PRRC2A: variants seen among roughly 807,000 people sequenced by gnomAD.
PRRC2A encodes the protein protein PRRC2A.
PRRC2A carries 59 observed loss-of-function variants against 224.6 expected under a neutral mutation model. The ratio of observed to expected loss-of-function variants is 0.26; its 90% CI spans 0.21 to 0.33. The LOEUF (loss-of-function observed/expected upper bound fraction) is 0.33. Among genes scored for constraint, PRRC2A ranks in the 10% least tolerant of loss-of-function variants. PRRC2A has a pLI of 1.00. For missense variants in PRRC2A, 3,095 were observed against 2,880.7 expected (o/e 1.07, Z -1.70); for synonymous variants, 1,194 against 1,109.5 (o/e 1.08, Z -1.51).
intron 1 of PRRC2A, among the ~76,000 whole-genome samples, chr6:31,621,972 C>T (rs898608861): frequency 1.3e-5 from 2 of 152,190 alleles, no homozygotes; most frequent in African/African-American, 4.8e-5. Context: ...AATGCTTTTT[C>T]TCAGTTCTTC....
At position 31,631,910 on chromosome 6, in the gene PRRC2A, C is replaced by A. The variant is rs757421292; in HGVS notation, c.3237C>A (p.Pro1079=). Residue 1079 remains proline (P), a synonymous_variant, in exon 16 of 31, where the codon CCC becomes CCA. Transcript: ENST00000376033. The surrounding 1 kb of genome is among the most constrained non-coding windows in gnomAD (Gnocchi z 4.5). ...GGGGACCAAACCACCCTCCTGCTCC[C>A]CGAGGCCGCACTGCCAGCGAGACAC... ...GTGGPNHPPA[P]RGRTASETRS... 4.3e-6 allele frequency: 7 copies of A among 1,612,446 alleles called. No individual in the cohort carries two copies. The South Asian group carries it at 7.7e-5, about 18-fold the overall frequency.
In PRRC2A at chr6:31,633,563, G is replaced by T. The variant is rs1396921749; in HGVS notation, c.4504G>T (p.Gly1502Trp). ...AGGGGGTCATCCAAGGCACAAGCCTGGGCTTCCCCAAGCCCCTCAGGGCCC... is the reference window on the plus strand; with the variant it reads ...AGGGGGTCATCCAAGGCACAAGCCTTGGCTTCCCCAAGCCCCTCAGGGCCC... ...APGGHPRHKP[G>W]LPQAPQGPSP... The change falls in exon 17 of 31, where the codon GGG (glycine) becomes TGG (tryptophan). Residue 1502 changes from glycine to tryptophan, a missense_variant. Gly to Trp is a radical substitution (Grantham distance 184). Coordinates refer to ENST00000376033, the MANE Select transcript of PRRC2A (RefSeq NM_004638.4). The T allele has an allele frequency of 3.1e-6, 5 of 1,612,928 alleles. No individual in the cohort carries two copies. The highest frequency in any genetic ancestry group is 4.2e-6 in the Non-Finnish European group (5 of 1,179,974).
chr6:31,635,305 T>C, intron 22 of PRRC2A, 33 bp downstream of exon 22: 1 of 1,613,660 alleles, frequency 6.2e-7, no homozygotes, highest in Non-Finnish European at 8.5e-7. Flanking sequence ...TATCCTGAGT[T>C]GGGTGGAGAG....
chr6:31,627,124 C>T lies in PRRC2A; in HGVS notation c.1216C>T (p.Pro406Ser). The T allele has an allele frequency of 6.2e-7, 1 of 1,614,016 alleles. No homozygotes were observed. The highest frequency in any genetic ancestry group is 8.5e-7 in the Non-Finnish European group (1 of 1,179,988). The change falls in exon 11 of 31, where the codon CCT (proline) becomes TCT (serine). Residue 406 changes from proline to serine, a missense_variant. Around this residue, in one of 8 missense-constraint regions of PRRC2A, gnomAD observed 2,001 missense variants for 1,764.9 expected, o/e 1.13. Transcript: ENST00000376033. This position sits in a 1 kb window ranked among gnomAD's most constrained non-coding sequence, Gnocchi z 5.6. ...GCCTCCAGAGACAGAGCCGGGACCT[C>T]CTGCCCCAAAGCCTCCCCTACCCCC... ...SRPPETEPGP[P>S]APKPPLPPPH...
At position 31,636,768 on chromosome 6, in the gene PRRC2A, G is replaced by A; in HGVS notation, c.5970G>A (p.Val1990=). Residue 1990 remains valine (V), a synonymous_variant, in exon 28 of 31, where the codon GTG becomes GTA. Coordinates refer to ENST00000376033, the MANE Select transcript of PRRC2A (RefSeq NM_004638.4). The surrounding 1 kb of genome is among the most constrained non-coding windows in gnomAD (Gnocchi z 4.3). The part of the protein sequence containing the change: ...LLPMVDSQLP[V]VNFGSLPPAP... ...CCATGGTAGACTCACAGCTGCCTGT[G>A]GTGAACTTTGGCTCCCTGCCGCCAG... The A allele has an allele frequency of 6.2e-7, 1 of 1,607,024 alleles. No individual in the cohort carries two copies. The highest frequency in any genetic ancestry group is 8.5e-7 in the Non-Finnish European group (1 of 1,180,000).
At position 31,625,198 on chromosome 6, in the gene PRRC2A, G is replaced by C. The variant is rs374398273; in HGVS notation, c.491G>C (p.Arg164Pro). ...GGAAGGGCATCAAGCCTACTGTCAC[G>C]ATTCTCTCGAGAGGAATTTCCGACC... ...DGGRASSLLS[R>P]FSREEFPTLQ... The change falls in exon 6 of 31, where the codon CGA (arginine) becomes CCA (proline). Residue 164 changes from arginine (R) to proline (P), a missense_variant. Arg to Pro is a moderately radical substitution (Grantham distance 103). This residue lies in a region of PRRC2A where 287 missense variants were observed against 275.3 expected (regional missense o/e 1.04). Coordinates refer to ENST00000376033, the MANE Select transcript of PRRC2A (RefSeq NM_004638.4). The surrounding 1 kb of genome is among the most constrained non-coding windows in gnomAD (Gnocchi z 4.1). The C allele has an allele frequency of 1.9e-6, 3 of 1,613,016 alleles. No individual in the cohort carries two copies. The South Asian group carries it at 3.3e-5, about 18-fold the overall frequency.
chr6:31,626,385 C>T (rs1276687284), intron 9 of PRRC2A, among the ~76,000 whole-genome samples: 1 of 151,328 alleles, frequency 6.6e-6, no homozygotes, highest in Non-Finnish European at 1.5e-5. Flanking sequence ...AGACCCCCCA[C>T]CTCTACAAAA....
rs1163305956 is a variant in PRRC2A at position 31,636,113 on chromosome 6, G to A, written c.5624+64G>A. 13 of 1,568,250 alleles carry A rather than the reference G, an allele frequency of 8.3e-6. No individual in the cohort carries two copies. ...GATGTGTTTCGGGGAGAGGGAAGGG[G>A]AAGACACAGTTCTAGGGTACTAGAA... On this transcript the variant is annotated intron_variant, in intron 25 of 30. Coordinates refer to ENST00000376033, the MANE Select transcript of PRRC2A (RefSeq NM_004638.4). This position sits in a 1 kb window ranked among gnomAD's most constrained non-coding sequence, Gnocchi z 4.3.
chr6:31,633,793 G>GT (rs1561833892), intron 17 of PRRC2A, 66 bp from the exon 18 acceptor site: 1 of 1,538,316 alleles, frequency 6.5e-7, no homozygotes, highest in South Asian at 1.3e-5. Context: ...GGGAGGTGGA[G>GT]TAGAGAGGAA....
intron 14 of PRRC2A, 52 bp downstream of exon 14, chr6:31,629,897 C>T (rs1776348641): frequency 6.2e-7 from 1 of 1,601,190 alleles, no homozygotes; most frequent in South Asian, 1.1e-5. Context: ...CAGTCTTAGG[C>T]ATTGGATATT....
At position 31,629,647 on chromosome 6, in the gene PRRC2A, ACCCTGGGGGCTGTGC is replaced by A. The variant is rs1161570621; in HGVS notation, c.2058_2072del (p.Leu687_Pro691del). The A allele has an allele frequency of 1.2e-6, 2 of 1,611,018 alleles. No homozygotes were observed. The highest frequency in any genetic ancestry group is 1.7e-6 in the Non-Finnish European group (2 of 1,178,854). On this transcript the variant is annotated inframe_deletion, in exon 14 of 31. Coordinates refer to ENST00000376033, the MANE Select transcript of PRRC2A (RefSeq NM_004638.4). ...GCCCCCATCACCACCACAGCCTGTG[ACCCTGGGGGCTGTGC>A]CAGCTCCACAGGCTCCACCCCCGCC...
chr6:31,634,046 TG>T, intron 18 of PRRC2A, 57 bp downstream of exon 18: 3 of 1,586,168 alleles, frequency 1.9e-6, no homozygotes, highest in Non-Finnish European at 2.6e-6. Context: ...AAAATTCTTC[TG>T]GGTTATGTTT....
rs1210177945 is a variant in PRRC2A at position 31,625,698 on chromosome 6, AAG to A, written c.759+88_759+89del. On this transcript the variant is annotated intron_variant, in intron 7 of 30. Coordinates refer to ENST00000376033, the MANE Select transcript of PRRC2A (RefSeq NM_004638.4). This position sits in a 1 kb window ranked among gnomAD's most constrained non-coding sequence, Gnocchi z 4.1. The stretch of plus-strand genomic sequence containing the variant: ...ACTTAGTCTTTGACCTATGAGATAG[AAG>A]GGAGGGTGGGAGGATGATTGATAGC... 1 of 1,585,518 alleles carries A rather than the reference AAG, an allele frequency of 6.3e-7. No homozygotes were observed. The highest frequency in any genetic ancestry group is 8.7e-7 in the Non-Finnish European group (1 of 1,154,404).
intron 23 of PRRC2A, 36 bp from the exon 24 acceptor site, chr6:31,635,546 C>T: frequency 1.2e-6 from 2 of 1,610,684 alleles, no homozygotes; most frequent in East Asian, 4.5e-5. Context: ...GTCCAGGATG[C>T]CAGACATCCC....
intron 16 of PRRC2A, 132 bp from the exon 17 acceptor site, chr6:31,633,247 C>G: frequency 7.4e-7 from 1 of 1,346,476 alleles, no homozygotes; most frequent in Non-Finnish European, 1.0e-6. Context: ...CATAGGAATC[C>G]TTAGAAGGAC....
Position 31,631,271 on chromosome 6 carries a change from G to T in PRRC2A, c.2598G>T (p.Trp866Cys), listed in dbSNP as rs1487275585. The change falls in exon 16 of 31, where the codon TGG becomes TGT. Residue 866 changes from tryptophan (W) to cysteine (C), a missense_variant. Trp to Cys is a radical substitution (Grantham distance 215). Coordinates refer to ENST00000376033, the MANE Select transcript of PRRC2A (RefSeq NM_004638.4). This position sits in a 1 kb window ranked among gnomAD's most constrained non-coding sequence, Gnocchi z 4.5. ...AACCAGGGCCCCGTCCACTCCCCTG[G>T]CCCCCAGGCAGTGATGAAGTGGCCA... ...LEEPGPRPLPWPPGSDEVAKI... is the reference protein window; with the variant it reads ...LEEPGPRPLPCPPGSDEVAKI... The T allele has an allele frequency of 6.2e-7, 1 of 1,612,084 alleles. No individual in the cohort carries two copies. The highest frequency in any genetic ancestry group is 1.7e-5 in the Admixed American group (1 of 59,778).
At position 31,631,694 on chromosome 6, in the gene PRRC2A, A is replaced by G. The variant is rs529305090; in HGVS notation, c.3021A>G (p.Pro1007=). The change falls in exon 16 of 31, where the codon CCA becomes CCG. Residue 1007 remains proline (P), a synonymous_variant. Transcript: ENST00000376033. This position sits in a 1 kb window ranked among gnomAD's most constrained non-coding sequence, Gnocchi z 4.5. The stretch of plus-strand genomic sequence containing the variant: ...CCAATGGAAATCTTTCCCCTGCCCC[A>G]AGGCTTCGGAGGGACTATTCGTATG... ...TPPNGNLSPA[P]RLRRDYSYER... is the part of the protein sequence containing the mutation. 6.6e-7 allele frequency: 1 copy of G among 1,513,918 alleles called. No individual in the cohort carries two copies. The highest frequency in any genetic ancestry group is 1.4e-5 in the African/African-American group (1 of 71,560). 93.8% of individuals were successfully genotyped at this position (1,513,918 alleles called of 1,614,324 possible).
Position 31,632,343 on chromosome 6 carries a change from G to A in PRRC2A, c.3670G>A (p.Gly1224Arg), listed in dbSNP as rs749492227. ...AGGGCCTCTGTCCCCTGTGGCGCGC[G>A]GAGGCAGCAATGGAGGTAGCAATGT... ...IPGPLSPVAR[G>R]GSNGGSNVGM... is the part of the protein sequence containing the mutation. The change falls in exon 16 of 31, where the codon GGA (glycine) becomes AGA (arginine). Residue 1224 changes from glycine to arginine, a missense_variant. Gly to Arg is a moderately radical substitution (Grantham distance 125, BLOSUM62 -2). This residue lies in a region of PRRC2A where 2,001 missense variants were observed against 1,764.9 expected (regional missense o/e 1.13). Transcript: ENST00000376033. The A allele has an allele frequency of 3.8e-5, 62 of 1,613,322 alleles. 1 individual carries two copies. The South Asian group carries it at 5.3e-4, about 14-fold the overall frequency.
In PRRC2A at chr6:31,635,606, G is replaced by A; in HGVS notation, c.5398G>A (p.Glu1800Lys). ...GGCCATTCCTGTATCACGAGACTGG[G>A]AGCTGCTTCCCAGTGCTGCTGCCTC... ...TEAIPVSRDW[E>K]LLPSAAASAE... is the part of the protein sequence containing the mutation. The change falls in exon 24 of 31, where the codon GAG (glutamate) becomes AAG (lysine). Residue 1800 changes from glutamate (E) to lysine (K), a missense_variant. Transcript: ENST00000376033. The A allele has an allele frequency of 1.2e-6, 2 of 1,611,716 alleles. No individual in the cohort carries two copies. Among genetic ancestry groups the A allele is most frequent in the Non-Finnish European group, 1.7e-6 (2 of 1,179,170 alleles).
Sources: gnomAD v4.1 joint callset for allele counts (sites outside exome capture counted in the v4.1 genomes callset) on GRCh38, gnomAD v4.1.1 for gene constraint, gnomAD v4.1.1 regional missense constraint, Gnocchi (gnomAD v3.1) non-coding constraint, MANE v1.5 for transcripts, NCBI Gene and HGNC (gene_info 2026-07-23, HGNC 2026-07-21) for gene names.